CCDC171: variants seen among roughly 807,000 people sequenced by gnomAD.
The protein encoded by CCDC171 is coiled-coil domain-containing protein 171.
A neutral mutation model predicts 168.2 loss-of-function variants in CCDC171; 177 were observed. That is an observed-to-expected ratio of 1.05 (90% CI 0.93 to 1.19). The LOEUF (loss-of-function observed/expected upper bound fraction) is 1.19. CCDC171 is among the 50% of genes most tolerant of loss of function. The pLI, the probability that CCDC171 is intolerant of heterozygous loss-of-function variation, is 0.00. For synonymous variants in CCDC171, 687 were observed against 540.8 expected, an observed-to-expected ratio of 1.27 and a Z score of -3.75; for missense variants, 1,991 against 1,539.0, an observed-to-expected ratio of 1.29 and a Z score of -4.91.
chr9:15,799,637 A>G (rs1230529573), intron 21 of CCDC171, among the ~76,000 whole-genome samples: 1 of 151,968 alleles, frequency 6.6e-6, no homozygotes, highest in Non-Finnish European at 1.5e-5. Context: ...ATACTCTTTC[A>G]GTTATTTTTA....
chr9:15,902,090 C>G (rs981522856), intron 24 of CCDC171, among the ~76,000 whole-genome samples: 2 of 152,050 alleles, frequency 1.3e-5, no homozygotes, highest in Admixed American at 1.3e-4. Flanking sequence ...AGATATTAAA[C>G]ACATACTCTG....
intron 25 of CCDC171, 90 bp downstream of exon 25, chr9:15,920,512 C>A: frequency 4.5e-6 from 4 of 896,030 alleles, no homozygotes; most frequent in South Asian, 2.4e-5. Context: ...GATCATTTGC[C>A]AATATATATA....
upstream of CCDC171, among the ~76,000 whole-genome samples, chr9:16,040,242 C>T (rs1833551174): frequency 6.6e-6 from 1 of 152,184 alleles, no homozygotes; most frequent in Non-Finnish European, 1.5e-5. Flanking sequence ...CCAGTCCTGC[C>T]TCTGTTCCTG....
chr9:15,605,677 ACT>A (rs1222383291), intron 6 of CCDC171, among the ~76,000 whole-genome samples: 3 of 134,526 alleles, frequency 2.2e-5, no homozygotes, highest in Non-Finnish European at 4.8e-5. Flanking sequence ...ACAGAGCGAG[ACT>A]CTGTCAAAAA....
At chr9:15,916,090 T>C (rs1824460955) in intron 24 of CCDC171, among the ~76,000 whole-genome samples, 1 of 151,950 alleles carries the variant, frequency 6.6e-6, no homozygotes, top group Admixed American at 6.6e-5. Flanking sequence ...ATAGTAACTT[T>C]TATTATCAAA....
chr9:15,890,329 CT>C (rs1563947066), intron 24 of CCDC171, among the ~76,000 whole-genome samples: 1 of 152,082 alleles, frequency 6.6e-6, no homozygotes, highest in Non-Finnish European at 1.5e-5. Flanking sequence ...TTAGGAGAGG[CT>C]TCATAGAGGA....
chr9:15,813,167 T>G (rs1464649970), intron 21 of CCDC171, among the ~76,000 whole-genome samples: 1 of 152,214 alleles, frequency 6.6e-6, no homozygotes, highest in African/African-American at 2.4e-5. Flanking sequence ...GAGTTTTGGC[T>G]AATGGAATGT....
chr9:15,641,691 C>T (rs930595533), intron 7 of CCDC171, among the ~76,000 whole-genome samples: 1 of 152,010 alleles, frequency 6.6e-6, no homozygotes, highest in African/African-American at 2.4e-5. Context: ...CTTAAGTGTA[C>T]TAGATGATCT....
chr9:15,726,783 A>T (rs994964947), intron 14 of CCDC171, among the ~76,000 whole-genome samples: 1 of 151,944 alleles, frequency 6.6e-6, no homozygotes, highest in African/African-American at 2.4e-5. Context: ...TTTCTTTTTA[A>T]GTTTGTCTCT....
At chr9:15,646,533 C>A (rs2047053649) in intron 7 of CCDC171, among the ~76,000 whole-genome samples, 1 of 152,020 alleles carries the variant, frequency 6.6e-6, no homozygotes, top group Non-Finnish European at 1.5e-5. Flanking sequence ...CACACATAGC[C>A]TTAAAATGAA....
intron 10 of CCDC171, among the ~76,000 whole-genome samples, chr9:15,692,369 A>C (rs1187597496): frequency 1.1e-3 from 1 of 906 alleles, no homozygotes; most frequent in Non-Finnish European, 5.0e-3. Flanking sequence ...TGTCTCTTCA[A>C]AAAAAAAAAA....
intron 9 of CCDC171, among the ~76,000 whole-genome samples, chr9:15,670,913 TGGGAGGATTGCTGGAGGCCGAGGTGG>T (rs999371544): frequency 6.6e-6 from 1 of 151,906 alleles, no homozygotes. Context: ...GAGGCTCTGG[TGGGAGGATTGCTGGAGGCCGAGGTGG>T]GGGAGGATTG....
Position 15,882,985 on chromosome 9 carries a change from C to CCTGA in CCDC171, c.3600+8325_3600+8326insACTG, listed in dbSNP as rs1177603759. The CCTGA allele has an allele frequency of 8.1e-3, 982 of 121,532 alleles. 219 individuals carry two copies. Among genetic ancestry groups the CCTGA allele is most frequent in the East Asian group, 0.05 (84 of 1,664 alleles). 7.5% of individuals were successfully genotyped at this position (121,532 alleles called of 1,614,324 possible). A position where few individuals can be genotyped will look rare whatever the true frequency, so the allele number is the denominator to read the frequency against. ...TTACCAGCCGATAAAAGCCAGCCTGCCTGCCTGCCTTCCTTCCTTCCTTCC... is the reference window on the plus strand; with the variant it reads ...TTACCAGCCGATAAAAGCCAGCCTGCCTGACTGCCTGCCTTCCTTCCTTCCTTCC... On this transcript the variant is annotated intron_variant, in intron 24 of 25. Transcript: ENST00000380701.
chr9:15,915,420 G>C (rs1384041336), intron 24 of CCDC171, among the ~76,000 whole-genome samples: 1 of 151,790 alleles, frequency 6.6e-6, no homozygotes, highest in Non-Finnish European at 1.5e-5. Context: ...TCCTCAGATA[G>C]ATTATTATGG....
chr9:15,990,904 A>G (rs893317453), intron 3 of CCDC171, among the ~76,000 whole-genome samples: 2 of 152,262 alleles, frequency 1.3e-5, no homozygotes, highest in Non-Finnish European at 2.9e-5. Context: ...CACCCAATAC[A>G]GGAGCACCCA....
intron 7 of CCDC171, among the ~76,000 whole-genome samples, chr9:15,630,166 C>G (rs908983931): frequency 1.3e-5 from 2 of 152,262 alleles, no homozygotes; most frequent in Admixed American, 6.5e-5. Context: ...GGATCAAATT[C>G]ACACATAACA....
chr9:16,039,028 A>G (rs961241357), upstream of CCDC171, among the ~76,000 whole-genome samples: 4 of 152,244 alleles, frequency 2.6e-5, no homozygotes, highest in Admixed American at 1.3e-4. Context: ...CTGTGAAATT[A>G]TAATCATAGT....
chr9:15,910,219 A>G (rs959296039), intron 24 of CCDC171, among the ~76,000 whole-genome samples: 7 of 151,404 alleles, frequency 4.6e-5, no homozygotes, highest in East Asian at 1.9e-4. Flanking sequence ...TCTTTATCCA[A>G]TCATCTGTTG....
At chr9:15,698,205 C>CT (rs1167424310) in intron 11 of CCDC171, among the ~76,000 whole-genome samples, 3 of 152,122 alleles carry the variant, frequency 2.0e-5, no homozygotes, top group African/African-American at 7.2e-5. Context: ...GTGAGATCTG[C>CT]TTTTTTAGCT....
Sources: allele counts gnomAD v4.1 joint callset (sites outside exome capture counted in the v4.1 genomes callset), GRCh38; gene constraint gnomAD v4.1.1; transcripts MANE v1.5; gene names NCBI Gene and HGNC (gene_info 2026-07-23, HGNC 2026-07-21).